The following NRG2 variants were observed in gnomAD, a reference collection of about 807,000 sequenced individuals.
NRG2 encodes pro-neuregulin-2, membrane-bound isoform.
NRG2 carries 27 observed loss-of-function variants against 73.9 expected under a neutral mutation model. The ratio of observed to expected loss-of-function variants is 0.37; its 90% CI spans 0.27 to 0.50. NRG2 has a LOEUF of 0.50. Ranked by LOEUF, NRG2 falls within the 20% of genes least tolerant of loss-of-function variation. NRG2 has a pLI of 0.96. For synonymous variants in NRG2, 532 were observed against 541.0 expected (o/e 0.98, Z 0.23); for missense variants, 1,126 against 1,210.1 (o/e 0.93, Z 1.03).
intron 1 of NRG2, among the ~76,000 whole-genome samples, chr5:140,013,934 T>G (rs1459811011): frequency 6.6e-6 from 1 of 152,234 alleles, no homozygotes; most frequent in Non-Finnish European, 1.5e-5. Context: ...TTTTCTGGCT[T>G]CTTCTCTTCT....
chr5:139,864,793 C>T (rs971594629), intron 5 of NRG2, among the ~76,000 whole-genome samples: 3 of 152,028 alleles, frequency 2.0e-5, no homozygotes, highest in Admixed American at 2.0e-4. Flanking sequence ...CTGCCAGACC[C>T]TTTGGTACCC....
At chr5:139,910,840 A>G (rs1158124792) in intron 1 of NRG2, among the ~76,000 whole-genome samples, 1 of 152,052 alleles carries the variant, frequency 6.6e-6, no homozygotes, top group African/African-American at 2.4e-5. Flanking sequence ...ACCCAATCCC[A>G]AACCCAGAAG....
chr5:139,907,643 GA>G (rs1398369462), intron 1 of NRG2, among the ~76,000 whole-genome samples: 1 of 152,188 alleles, frequency 6.6e-6, no homozygotes, highest in Non-Finnish European at 1.5e-5. Flanking sequence ...TGAATGATAC[GA>G]GTCAGAAATG....
intron 1 of NRG2, among the ~76,000 whole-genome samples, chr5:139,888,192 G>C (rs1007997168): frequency 8.5e-5 from 13 of 152,078 alleles, no homozygotes; most frequent in African/African-American, 2.9e-4. Flanking sequence ...GCCAGTGCTC[G>C]TGCTGAGGTG....
intron 1 of NRG2, among the ~76,000 whole-genome samples, chr5:139,964,730 C>T (rs891530829): frequency 7.2e-5 from 11 of 152,320 alleles, no homozygotes; most frequent in Middle Eastern, 3.4e-3. Context: ...CTTCTTGCTC[C>T]ACCTAACCCC....
At chr5:139,930,861 G>T (rs1340644363) in intron 1 of NRG2, among the ~76,000 whole-genome samples, 1 of 152,176 alleles carries the variant, frequency 6.6e-6, no homozygotes, top group Non-Finnish European at 1.5e-5. Context: ...GGAACATTGG[G>T]CCACCAGACC....
chr5:140,025,734 A>ATTGGTC (rs1760634207), intron 1 of NRG2, among the ~76,000 whole-genome samples: 3 of 152,220 alleles, frequency 2.0e-5, no homozygotes, highest in Non-Finnish European at 4.4e-5. Flanking sequence ...TTTTAATTCC[A>ATTGGTC]AGATAAAATC....
Position 139,865,134 on chromosome 5 carries a change from G to T in NRG2, c.1189+415C>A. The T allele has an allele frequency of 6.2e-7, 1 of 1,613,770 alleles. No individual in the cohort carries two copies. Among genetic ancestry groups the T allele is most frequent in the South Asian group, 1.1e-5 (1 of 91,058 alleles). On this transcript the variant is annotated intron_variant, in intron 5 of 9. Coordinates refer to ENST00000361474, the MANE Select transcript of NRG2 (RefSeq NM_004883.3). The surrounding 1 kb of genome is among the most constrained non-coding windows in gnomAD (Gnocchi z 5.2). ...ACATACTGGAGAAGTTGACCATTGCGAACTGCTGACACCTGTCCCCGGTGT... is the reference window on the plus strand; with the variant it reads ...ACATACTGGAGAAGTTGACCATTGCTAACTGCTGACACCTGTCCCCGGTGT...
Position 139,869,932 on chromosome 5 carries a change from T to G in NRG2, c.1112+1789A>C, listed in dbSNP as rs1374708388. Among the ~76,000 whole-genome samples, 1 of 152,198 alleles carries G rather than the reference T, an allele frequency of 6.6e-6. No individual in the cohort carries two copies. The highest frequency in any genetic ancestry group is 1.9e-4 in the East Asian group (1 of 5,194). ...CATGGCCCTCCTCAGCCCTGGCACC[T>G]GTCCTGAGGGGCCAGAACCTTCCCT... On this transcript the variant is annotated intron_variant, in intron 4 of 9. Coordinates refer to ENST00000361474, the MANE Select transcript of NRG2 (RefSeq NM_004883.3). The surrounding 1 kb of genome is among the most constrained non-coding windows in gnomAD (Gnocchi z 4.5).
Position 139,852,855 on chromosome 5 carries a change from C to G in NRG2, c.1416+49G>C, listed in dbSNP as rs749589085. ...CATCCTTGCAGGGGGCATGAGAAGG[C>G]TGGCTGTCCACTGAGGGCTCAGAAG... On this transcript the variant is annotated intron_variant, in intron 7 of 9. Coordinates refer to ENST00000361474, the MANE Select transcript of NRG2 (RefSeq NM_004883.3). The surrounding 1 kb of genome is among the most constrained non-coding windows in gnomAD (Gnocchi z 4.4). 6.2e-6 allele frequency: 10 copies of G among 1,609,828 alleles called. No homozygotes were observed. Among genetic ancestry groups the G allele is most frequent in the Non-Finnish European group, 8.5e-6 (10 of 1,179,076 alleles).
intron 1 of NRG2, among the ~76,000 whole-genome samples, chr5:139,900,653 G>A (rs1432453708): frequency 1.3e-5 from 2 of 152,212 alleles, no homozygotes; most frequent in African/African-American, 2.4e-5. Context: ...GGCCAGCCTG[G>A]TGGGCTGGAG....
chr5:139,914,201 G>A (rs1395760088), intron 1 of NRG2, among the ~76,000 whole-genome samples: 1 of 152,132 alleles, frequency 6.6e-6, no homozygotes, highest in Non-Finnish European at 1.5e-5. Flanking sequence ...CTGTCATGGT[G>A]GATTTCCTGT....
intron 1 of NRG2, among the ~76,000 whole-genome samples, chr5:140,011,039 T>A (rs1476341559): frequency 2.0e-5 from 3 of 152,228 alleles, no homozygotes; most frequent in Admixed American, 6.5e-5. Context: ...CATACAGCTG[T>A]CAGAGACCAA....
In NRG2 at chr5:139,848,688, C is replaced by G. The variant is rs1358462530; in HGVS notation, c.1782G>C (p.Ser594=). 1.3e-6 allele frequency: 2 copies of G among 1,546,144 alleles called. No homozygotes were observed. Among genetic ancestry groups the G allele is most frequent in the Non-Finnish European group, 1.7e-6 (2 of 1,155,884 alleles). ...AGAGGCGCGCGGGCGTGGTCAGGGCCGACACGTACCTGCGGGGAGAGGCAG... is the reference window on the plus strand; with the variant it reads ...AGAGGCGCGCGGGCGTGGTCAGGGCGGACACGTACCTGCGGGGAGAGGCAG... ...RDSPHSERYV[S]ALTTPARLSP... The change falls in exon 10 of 10, where the codon TCG becomes TCC. Residue 594 remains serine (S), a synonymous_variant. Coordinates refer to ENST00000361474, the MANE Select transcript of NRG2 (RefSeq NM_004883.3).
At chr5:139,912,653 C>T (rs1750921833) in intron 1 of NRG2, among the ~76,000 whole-genome samples, 1 of 152,180 alleles carries the variant, frequency 6.6e-6, no homozygotes, top group South Asian at 2.1e-4. Flanking sequence ...AACCACTAGA[C>T]CAAGACTGCT....
chr5:139,872,752 C>T (rs1581826327), intron 3 of NRG2, among the ~76,000 whole-genome samples: 1 of 152,320 alleles, frequency 6.6e-6, no homozygotes, highest in Non-Finnish European at 1.5e-5. Flanking sequence ...GAGAAATGAA[C>T]ATCACTGAAG....
intron 1 of NRG2, among the ~76,000 whole-genome samples, chr5:140,037,907 C>CAAAAAA (rs748112690): frequency 0.26 from 15,056 of 58,266 alleles, 1,620 homozygotes; most frequent in Non-Finnish European, 0.32. Context: ...GACTCCATCT[C>CAAAAAA]AAAAAAAAAA....
chr5:139,855,627 G>T, intron 6 of NRG2, 49 bp downstream of exon 6: 2 of 1,445,262 alleles, frequency 1.4e-6, no homozygotes, highest in Non-Finnish European at 1.9e-6. Context: ...ATTCTTGGAG[G>T]CCCATCCCTT....
chr5:139,885,986 G>A (rs1390063406), intron 2 of NRG2, among the ~76,000 whole-genome samples: 3 of 152,104 alleles, frequency 2.0e-5, no homozygotes, highest in Non-Finnish European at 4.4e-5. Context: ...GCAGTGAGAA[G>A]GGGTGGGGTG....
Sources: gnomAD v4.1 joint callset for allele counts (sites outside exome capture counted in the v4.1 genomes callset) on GRCh38, gnomAD v4.1.1 for gene constraint, Gnocchi (gnomAD v3.1) non-coding constraint, MANE v1.5 for transcripts, NCBI Gene and HGNC (gene_info 2026-07-23, HGNC 2026-07-21) for gene names.